LRP1B: variants seen among roughly 807,000 people sequenced by gnomAD.
LRP1B encodes the protein LDL receptor related protein 1B, also known as low-density lipoprotein receptor-related protein 1B.
A neutral mutation model predicts 556.6 loss-of-function variants in LRP1B; 217 were observed. The observed-to-expected ratio is 0.39, with a 90% CI of 0.35 to 0.44. LRP1B has a LOEUF of 0.44. LRP1B is among the 20% of genes least tolerant of loss of function. LRP1B has a pLI of 1.00. For synonymous variants in LRP1B, 2,047 were observed against 1,865.8 expected (o/e 1.10, Z -2.50); for missense variants, 5,053 against 5,620.8 (o/e 0.90, Z 3.23).
chr2:141,890,563 A>G (rs908557207), intron 1 of LRP1B, among the ~76,000 whole-genome samples: 1 of 151,826 alleles, frequency 6.6e-6, no homozygotes, highest in African/African-American at 2.4e-5. Context: ...TTATTGCATG[A>G]ACCATACAAT....
chr2:140,427,760 T>C (rs1685724962), intron 66 of LRP1B, among the ~76,000 whole-genome samples: 1 of 151,898 alleles, frequency 6.6e-6, no homozygotes, highest in African/African-American at 2.4e-5. Flanking sequence ...CACTGAGTCT[T>C]TCTAATCTTC....
chr2:140,424,336 C>T (rs981960911), intron 66 of LRP1B, among the ~76,000 whole-genome samples: 1 of 152,082 alleles, frequency 6.6e-6, no homozygotes, highest in African/African-American at 2.4e-5. Flanking sequence ...TTTATGTAAA[C>T]CATGATTATT....
chr2:141,144,680 A>G (rs955747747), intron 7 of LRP1B, among the ~76,000 whole-genome samples: 2 of 152,174 alleles, frequency 1.3e-5, no homozygotes, highest in Non-Finnish European at 2.9e-5. Context: ...AACAGGCCCT[A>G]TAAAAGTACC....
chr2:141,190,976 T>A (rs1238379087), intron 6 of LRP1B, among the ~76,000 whole-genome samples: 1 of 151,926 alleles, frequency 6.6e-6, no homozygotes, highest in East Asian at 1.9e-4. Context: ...GGTCATAAGA[T>A]CCTCAAGTGA....
At chr2:141,638,387 G>C (rs1406983782) in intron 2 of LRP1B, among the ~76,000 whole-genome samples, 1 of 151,672 alleles carries the variant, frequency 6.6e-6, no homozygotes, top group Non-Finnish European at 1.5e-5. Flanking sequence ...CTCTTTTTTT[G>C]TTGTTGTTTT....
chr2:140,570,460 C>T (rs1443627350), intron 43 of LRP1B, among the ~76,000 whole-genome samples: 1 of 151,484 alleles, frequency 6.6e-6, no homozygotes, highest in East Asian at 1.9e-4. Context: ...ATAAAACCTA[C>T]CAACACTGAA....
At chr2:140,523,469 C>G (rs1465467468) in intron 49 of LRP1B, among the ~76,000 whole-genome samples, 1 of 151,888 alleles carries the variant, frequency 6.6e-6, no homozygotes, top group African/African-American at 2.4e-5. Flanking sequence ...CCCCTGAGAT[C>G]TGGAACAAAA....
At chr2:140,450,538 C>G (rs2105313601) in intron 63 of LRP1B, 30 bp downstream of exon 63, 1 of 1,528,342 alleles carries the variant, frequency 6.5e-7, no homozygotes, top group African/African-American at 1.4e-5. Context: ...ACTCTAAATT[C>G]TAAATTTCAA....
intron 66 of LRP1B, among the ~76,000 whole-genome samples, chr2:140,410,621 T>C (rs1029723152): frequency 7.2e-5 from 11 of 152,144 alleles, no homozygotes; most frequent in Non-Finnish European, 1.5e-4. Context: ...ATTCTCATTT[T>C]AATACAACCA....
chr2:140,623,956 G>GTATATATATATATATATCTATATATATA (rs1683556016), intron 41 of LRP1B, among the ~76,000 whole-genome samples: 1 of 106,436 alleles, frequency 9.4e-6, no homozygotes, highest in Non-Finnish European at 1.9e-5. Flanking sequence ...TTTTATTTAT[G>GTATATATATATATATATCTATATATATA]TATATATATA....
intron 7 of LRP1B, among the ~76,000 whole-genome samples, chr2:141,106,632 T>C (rs569126710): frequency 1.3e-5 from 2 of 152,268 alleles, no homozygotes; most frequent in Middle Eastern, 6.8e-3. Context: ...TAATAGTTTA[T>C]CATGACCTGT....
intron 1 of LRP1B, among the ~76,000 whole-genome samples, chr2:141,868,740 T>C (rs1400471192): frequency 6.6e-6 from 1 of 152,128 alleles, no homozygotes; most frequent in Non-Finnish European, 1.5e-5. Flanking sequence ...TTAAAGCTAA[T>C]GGTGAAGATT....
At chr2:141,989,839 A>T (rs552338899) in intron 1 of LRP1B, among the ~76,000 whole-genome samples, 2 of 152,218 alleles carry the variant, frequency 1.3e-5, no homozygotes, top group African/African-American at 4.8e-5. Context: ...TGAGTCAATT[A>T]AACCTATTTT....
intron 2 of LRP1B, among the ~76,000 whole-genome samples, chr2:141,641,894 T>A (rs1689349435): frequency 6.6e-6 from 1 of 152,160 alleles, no homozygotes; most frequent in Non-Finnish European, 1.5e-5. Flanking sequence ...ATTGTTTTAC[T>A]TTGATATGAA....
chr2:140,515,056 G>A (rs953318555), intron 50 of LRP1B, among the ~76,000 whole-genome samples: 1 of 152,012 alleles, frequency 6.6e-6, no homozygotes, highest in South Asian at 2.1e-4. Context: ...ATATTTGTCT[G>A]TTATTATTAT....
At chr2:141,169,603 C>G (rs984372956) in intron 7 of LRP1B, among the ~76,000 whole-genome samples, 1 of 151,428 alleles carries the variant, frequency 6.6e-6, no homozygotes, top group Non-Finnish European at 1.5e-5. Context: ...TTAAAGTTCC[C>G]GTGTAGTAGG....
rs1299528108 is a variant in LRP1B at position 140,252,062 on chromosome 2, C to T, written c.13248-4900G>A. On this transcript the variant is annotated intron_variant, in intron 86 of 90. Transcript: ENST00000389484. ...TTGCAGATAGTAGCATGACAAGATGCAAAAAAAAAAAAAAAAAAAAAAAAA... is the reference window on the plus strand; with the variant it reads ...TTGCAGATAGTAGCATGACAAGATGTAAAAAAAAAAAAAAAAAAAAAAAAA... Among the ~76,000 whole-genome samples, 4 of 18,558 alleles carry T rather than the reference C, an allele frequency of 2.2e-4. No homozygotes were observed. In the East Asian group the frequency reaches 0.022, roughly 103 times the overall value. The allele number at this position is 18,558 out of a possible 152,430, so 12.2% of individuals were successfully genotyped here. A position where few individuals can be genotyped will look rare whatever the true frequency, so the allele number is the denominator to read the frequency against.
At chr2:141,483,552 T>A (rs1342131178) in intron 2 of LRP1B, among the ~76,000 whole-genome samples, 1 of 34,788 alleles carries the variant, frequency 2.9e-5, no homozygotes, top group Non-Finnish European at 1.0e-4. Context: ...ACTTCCACAA[T>A]GGTTGAACTA....
At position 140,902,929 on chromosome 2, in the gene LRP1B, T is replaced by C. The variant is rs1156583277; in HGVS notation, c.3757A>G (p.Thr1253Ala). ...CAAAATAGTTACTTACCAACACTTG[T>C]ACAACTTTCACCGTCTACATCCAGC... The part of the protein sequence containing the change: ...WKLDVDGESC[T>A]SVDPFEAFII... The change falls in exon 23 of 91, where the codon ACA becomes GCA. Residue 1253 changes from threonine (T) to alanine (A), a missense_variant. By Grantham distance (58) the Thr-to-Ala change is moderately conservative (BLOSUM62 0). Transcript: ENST00000389484. 1.4e-5 allele frequency: 22 copies of C among 1,613,260 alleles called. No homozygotes were observed. The highest frequency in any genetic ancestry group is 1.8e-5 in the Non-Finnish European group (21 of 1,179,504).
Sources: gnomAD v4.1 joint callset for allele counts (sites outside exome capture counted in the v4.1 genomes callset) on GRCh38, gnomAD v4.1.1 for gene constraint, MANE v1.5 for transcripts, NCBI Gene and HGNC (gene_info 2026-07-23, HGNC 2026-07-21) for gene names.